Variants in RBFOX3 observed in about 807,000 individuals in gnomAD.
RBFOX3 encodes RNA binding protein fox-1 homolog 3.
Under a neutral mutation model 48.7 loss-of-function variants are expected in RBFOX3, and 17 were observed. The ratio of observed to expected loss-of-function variants is 0.35; its 90% CI spans 0.24 to 0.52. The LOEUF is 0.52. RBFOX3 is among the 20% of genes least tolerant of loss of function. The probability of loss-of-function intolerance (pLI) is 0.94; values close to 1 mark genes in which losing one functional copy is unlikely to be tolerated. For synonymous variants in RBFOX3, 212 were observed against 209.5 expected (o/e 1.01, Z -0.10); for missense variants, 382 against 497.5 (o/e 0.77, Z 2.21).
chr17:79,118,073 C>T (rs1568163865), intron 4 of RBFOX3, among the ~76,000 whole-genome samples: 1 of 152,052 alleles, frequency 6.6e-6, no homozygotes, highest in Admixed American at 6.5e-5. Flanking sequence ...CTGGGCAACC[C>T]AGCCGTGCCC....
Position 79,089,697 on chromosome 17 carries a change from T to G in RBFOX3, c.*1186A>C, listed in dbSNP as rs937893356. The G allele has an allele frequency of 6.6e-6, 1 of 152,578 alleles. No homozygotes were observed. The highest frequency in any genetic ancestry group is 1.5e-5 in the Non-Finnish European group (1 of 68,052). 9.5% of individuals were successfully genotyped at this position (152,578 alleles called of 1,614,324 possible). On this transcript the variant is annotated 3_prime_UTR_variant, in exon 15 of 15. Coordinates refer to ENST00000693108, the MANE Select transcript of RBFOX3 (RefSeq NM_001350451.2). ...AGTGGAGCCACGTTGGGAGCCTGTA[T>G]TTTTTGCTGCTTCCCTACTTCAGTG... is the stretch of plus-strand genomic sequence containing the variant.
intron 2 of RBFOX3, among the ~76,000 whole-genome samples, chr17:79,467,134 C>A (rs2076420274): frequency 6.6e-6 from 1 of 152,030 alleles, no homozygotes; most frequent in African/African-American, 2.4e-5. Flanking sequence ...CATCACCTGC[C>A]AGGTCTGGGT....
intron 1 of RBFOX3, among the ~76,000 whole-genome samples, chr17:79,536,535 G>A (rs916756467): frequency 6.6e-6 from 1 of 152,256 alleles, no homozygotes; most frequent in Non-Finnish European, 1.5e-5. Context: ...ACCCACTGTG[G>A]TGGCATCAGC....
chr17:79,385,379 C>A (rs1253015962), intron 2 of RBFOX3, among the ~76,000 whole-genome samples: 1 of 152,170 alleles, frequency 6.6e-6, no homozygotes, highest in Non-Finnish European at 1.5e-5. Flanking sequence ...AGAGCTTCAA[C>A]TTTGCCAAGA....
At chr17:79,142,925 C>A (rs1348736552) in intron 4 of RBFOX3, among the ~76,000 whole-genome samples, 1 of 152,142 alleles carries the variant, frequency 6.6e-6, no homozygotes, top group East Asian at 1.9e-4. Context: ...CACCCATGCA[C>A]GTGGCCCTGC....
chr17:79,272,735 G>C (rs1182791763), intron 3 of RBFOX3, among the ~76,000 whole-genome samples: 1 of 152,210 alleles, frequency 6.6e-6, no homozygotes, highest in Non-Finnish European at 1.5e-5. Context: ...GTGTCACCTG[G>C]CACGTGTTCC....
At chr17:79,107,268 C>T (rs751533547) in intron 5 of RBFOX3, among the ~76,000 whole-genome samples, 10 of 152,212 alleles carry the variant, frequency 6.6e-5, no homozygotes, top group African/African-American at 1.4e-4. Context: ...TGCTGCCCTT[C>T]GTGTCCCCCA....
chr17:79,272,385 C>T (rs1352682088), intron 3 of RBFOX3, among the ~76,000 whole-genome samples: 1 of 152,246 alleles, frequency 6.6e-6, no homozygotes, highest in Non-Finnish European at 1.5e-5. Flanking sequence ...GGTGGCAACA[C>T]ACTGGTGATA....
At chr17:79,296,561 G>A (rs1234113193) in intron 3 of RBFOX3, among the ~76,000 whole-genome samples, 4 of 151,974 alleles carry the variant, frequency 2.6e-5, no homozygotes, top group Non-Finnish European at 4.4e-5. Context: ...CCGGGGAGCC[G>A]GGCTCCCAGG....
rs533070920 is a variant in RBFOX3 at position 79,125,731 on chromosome 17, C to T, written c.-33-9983G>A. On this transcript the variant is annotated intron_variant, in intron 4 of 14. Coordinates refer to ENST00000693108, the MANE Select transcript of RBFOX3 (RefSeq NM_001350451.2). Reference sequence around the variant, plus strand: ...ACGGCTCCCGCCTGCGGGAAGGGCGCCGCGTGGCCCTGGGCCGGCGGGGCA... The same window carrying T: ...ACGGCTCCCGCCTGCGGGAAGGGCGTCGCGTGGCCCTGGGCCGGCGGGGCA... 4.6e-3 allele frequency among the ~76,000 whole-genome samples: 703 copies of T among 152,358 alleles called. 5 individuals are homozygous for T. Among genetic ancestry groups the T allele is most frequent in the African/African-American group, 0.016 (666 of 41,580 alleles).
chr17:79,526,905 T>C (rs1363622436), intron 1 of RBFOX3, among the ~76,000 whole-genome samples: 2 of 152,242 alleles, frequency 1.3e-5, no homozygotes, highest in Non-Finnish European at 2.9e-5. Context: ...CTCCTGCTCT[T>C]AGCTCTGCAG....
At chr17:79,393,727 A>G (rs2061636478) in intron 2 of RBFOX3, among the ~76,000 whole-genome samples, 1 of 150,930 alleles carries the variant, frequency 6.6e-6, no homozygotes, top group Admixed American at 6.6e-5. Context: ...GTCATCATAC[A>G]CATCATCTGA....
At chr17:79,427,275 C>T (rs1357904908) in intron 2 of RBFOX3, among the ~76,000 whole-genome samples, 1 of 152,216 alleles carries the variant, frequency 6.6e-6, no homozygotes, top group Non-Finnish European at 1.5e-5. Flanking sequence ...CCCAGCACCA[C>T]CTCAGGGACC....
At chr17:79,614,629 T>G (rs1272158427), upstream of RBFOX3, among the ~76,000 whole-genome samples, 2 of 152,104 alleles carry the variant, frequency 1.3e-5, no homozygotes, top group Non-Finnish European at 2.9e-5. Context: ...ATAGCAGTAT[T>G]TAATATCCTC....
chr17:79,590,968 A>G (rs947231017), intron 1 of RBFOX3, among the ~76,000 whole-genome samples: 1 of 152,166 alleles, frequency 6.6e-6, no homozygotes, highest in East Asian at 1.9e-4. Context: ...CCAAGCATCC[A>G]GCCTCTCAGG....
chr17:79,647,366 C>G, the RBFOX3 span, among the ~76,000 whole-genome samples: 1 of 152,196 alleles, frequency 6.6e-6, no homozygotes, highest in East Asian at 1.9e-4. Flanking sequence ...TCTGCCTCAA[C>G]GCAGTGCGAG....
At chr17:79,476,687 T>C (rs1042463751) in intron 2 of RBFOX3, among the ~76,000 whole-genome samples, 158 of 152,104 alleles carry the variant, frequency 1.0e-3, no homozygotes, top group African/African-American at 3.8e-3. Flanking sequence ...GACTGCCAAG[T>C]CACCAGAACT....
rs1198076266 is a variant in RBFOX3 at position 79,103,065 on chromosome 17, G to A, written c.507+97C>T. 26 of 917,982 alleles carry A rather than the reference G, an allele frequency of 2.8e-5. 1 individual carries two copies. Among genetic ancestry groups the A allele is most frequent in the African/African-American group, 1.3e-4 (8 of 61,034 alleles). 56.9% of individuals were successfully genotyped at this position (917,982 alleles called of 1,614,324 possible). ...CCAGGGAACCCTGGCCAGGCTCTCTGAAGGGTGCGGCAGTGGCAGGGCTGG... is the reference window on the plus strand; with the variant it reads ...CCAGGGAACCCTGGCCAGGCTCTCTAAAGGGTGCGGCAGTGGCAGGGCTGG... On this transcript the variant is annotated intron_variant, in intron 8 of 14. Transcript: ENST00000693108. This position sits in a 1 kb window ranked among gnomAD's most constrained non-coding sequence, Gnocchi z 6.1.
intron 2 of RBFOX3, among the ~76,000 whole-genome samples, chr17:79,446,137 C>A (rs1427969585): frequency 6.6e-6 from 1 of 152,158 alleles, no homozygotes; most frequent in Non-Finnish European, 1.5e-5. Flanking sequence ...TCCTCTGAGG[C>A]TCTGAACTCC....
Sources: gnomAD v4.1 joint callset for allele counts (sites outside exome capture counted in the v4.1 genomes callset) on GRCh38, gnomAD v4.1.1 for gene constraint, Gnocchi (gnomAD v3.1) non-coding constraint, MANE v1.5 for transcripts, NCBI Gene and HGNC (gene_info 2026-07-23, HGNC 2026-07-21) for gene names.